The following CASD1 variants were observed in gnomAD, a reference collection of about 807,000 sequenced individuals.
CASD1 encodes CAS1 domain sialic acid O acetyltransferase 1, also known as N-acetylneuraminate (7)9-O-acetyltransferase.
In CASD1, 41 loss-of-function variants were observed where a neutral mutation model predicts 100.0. The observed-to-expected ratio is 0.41, with a 90% CI of 0.32 to 0.53. CASD1 has a LOEUF of 0.53. Ranked by LOEUF, CASD1 falls within the 20% of genes least tolerant of loss-of-function variation. The probability of loss-of-function intolerance (pLI) is 0.25; values close to 1 mark genes in which losing one functional copy is unlikely to be tolerated. For missense variants in CASD1, 774 were observed against 948.7 expected (o/e 0.82, Z 2.42); for synonymous variants, 321 against 315.6 (o/e 1.02, Z -0.18).
chr7:94,580,305 C>G, the CASD1 span, among the ~76,000 whole-genome samples: 2 of 152,116 alleles, frequency 1.3e-5, no homozygotes, highest in Non-Finnish European at 2.9e-5. Context: ...CTCACCTTCC[C>G]CTATACTTCA....
downstream of CASD1, among the ~76,000 whole-genome samples, chr7:94,561,894 T>A (rs1256828376): frequency 2.0e-5 from 3 of 152,152 alleles, no homozygotes; most frequent in Non-Finnish European, 4.4e-5. Flanking sequence ...GAGAATTAAG[T>A]CTGGCAAGCA....
chr7:94,625,746 CACTGTGTGAAT>C, the CASD1 span: 1 of 151,962 alleles, frequency 6.6e-6, no homozygotes, highest in Non-Finnish European at 1.5e-5. Flanking sequence ...TCTGAACATT[CACTGTGTGAAT>C]ACACCAAGAT....
the CASD1 span, among the ~76,000 whole-genome samples, chr7:94,631,641 T>A: frequency 1.3e-5 from 2 of 151,898 alleles, no homozygotes; most frequent in Non-Finnish European, 2.9e-5. Context: ...CAATACTGGA[T>A]ACTGTGGGGG....
downstream of CASD1, among the ~76,000 whole-genome samples, chr7:94,560,444 G>A (rs929825757): frequency 6.6e-6 from 1 of 152,092 alleles, no homozygotes; most frequent in African/African-American, 2.4e-5. Context: ...TAATGCATAA[G>A]GCACATGGAA....
the CASD1 span, among the ~76,000 whole-genome samples, chr7:94,604,622 C>T: frequency 6.7e-6 from 1 of 149,864 alleles, no homozygotes; most frequent in Non-Finnish European, 1.5e-5. Flanking sequence ...GGTACCAAGA[C>T]AATTCAAAAA....
At chr7:94,544,673 G>A (rs1795590110) in intron 11 of CASD1, 143 bp downstream of exon 11, 1 of 765,344 alleles carries the variant, frequency 1.3e-6, no homozygotes, top group Non-Finnish European at 1.9e-6. Flanking sequence ...GTTGTATTCT[G>A]TGTTCTGTGT....
downstream of CASD1, among the ~76,000 whole-genome samples, chr7:94,559,879 ATAAT>A (rs1158655221): frequency 4.6e-5 from 7 of 152,208 alleles, no homozygotes; most frequent in African/African-American, 1.7e-4. Context: ...GAAAAATGGA[ATAAT>A]TAAATGTATT....
At chr7:94,603,215 T>C in the CASD1 span, 2 of 1,156,730 alleles carry the variant, frequency 1.7e-6, no homozygotes, top group South Asian at 2.6e-5. Context: ...CTAAAAGCAG[T>C]TCAGGTTTTA....
chr7:94,625,388 A>ATAG, the CASD1 span: 4 of 152,060 alleles, frequency 2.6e-5, no homozygotes, highest in South Asian at 8.3e-4. Flanking sequence ...CTATATTTTT[A>ATAG]TACATATTCA....
intron 1 of CASD1, 68 bp downstream of exon 1, chr7:94,510,285 C>A: frequency 1.7e-6 from 2 of 1,204,842 alleles, no homozygotes; most frequent in Non-Finnish European, 2.2e-6. Flanking sequence ...CTGGAGGCCG[C>A]CCCCATCGCC....
chr7:94,623,748 CAAT>C, the CASD1 span: 1 of 390,788 alleles, frequency 2.6e-6, no homozygotes, highest in African/African-American at 2.1e-5. Flanking sequence ...AAAAAAAAAA[CAAT>C]AATTTTTGTA....
chr7:94,616,971 G>GCC, the CASD1 span: 1 of 152,192 alleles, frequency 6.6e-6, no homozygotes, highest in Non-Finnish European at 1.5e-5. Flanking sequence ...CCAAATAAAT[G>GCC]CCACGGGACT....
the CASD1 span, chr7:94,587,917 C>T: frequency 6.9e-7 from 1 of 1,459,510 alleles, no homozygotes; most frequent in Non-Finnish European, 9.0e-7. Context: ...TTAATAGTTT[C>T]CCTACCACAA....
the CASD1 span, among the ~76,000 whole-genome samples, chr7:94,569,185 A>G: frequency 6.6e-6 from 1 of 152,192 alleles, no homozygotes; most frequent in Non-Finnish European, 1.5e-5. Flanking sequence ...AAAAATGCAT[A>G]TACCACATCT....
chr7:94,548,636 T>C (rs1359008065), intron 13 of CASD1, among the ~76,000 whole-genome samples: 1 of 151,850 alleles, frequency 6.6e-6, no homozygotes, highest in Non-Finnish European at 1.5e-5. Flanking sequence ...ATAAAGTTCT[T>C]CTGACCTAAA....
intron 1 of CASD1, among the ~76,000 whole-genome samples, chr7:94,516,967 G>C (rs1164050782): frequency 6.6e-6 from 1 of 151,368 alleles, no homozygotes; most frequent in Non-Finnish European, 1.5e-5. Context: ...GCAGTGGCAT[G>C]ATCTTGGCTC....
At chr7:94,539,563 G>A (rs1187858814) in intron 10 of CASD1, among the ~76,000 whole-genome samples, 1 of 150,504 alleles carries the variant, frequency 6.6e-6, no homozygotes, top group Admixed American at 6.7e-5. Context: ...CAGCTACTCG[G>A]AAAGCTGAGG....
chr7:94,546,175 G>A (rs1038637721), intron 12 of CASD1, among the ~76,000 whole-genome samples: 2 of 151,796 alleles, frequency 1.3e-5, no homozygotes, highest in African/African-American at 4.8e-5. Context: ...CAATTTAAAA[G>A]CACTAATATA....
the CASD1 span, among the ~76,000 whole-genome samples, chr7:94,622,942 A>G: frequency 6.6e-6 from 1 of 152,120 alleles, no homozygotes; most frequent in Admixed American, 6.5e-5. Flanking sequence ...TAATAAAACT[A>G]GTTAGTAATT....
Sources: gnomAD v4.1 joint callset for allele counts (sites outside exome capture counted in the v4.1 genomes callset) on GRCh38, gnomAD v4.1.1 for gene constraint, MANE v1.5 for transcripts, NCBI Gene and HGNC (gene_info 2026-07-23, HGNC 2026-07-21) for gene names.